Variants in EOLA2 observed in about 807,000 individuals in gnomAD.
EOLA2 encodes endothelium and lymphocyte associated ASCH domain 2.
EOLA2 carries 3 observed loss-of-function variants against 4.1 expected under a neutral mutation model. The observed-to-expected ratio is 0.73, with a 90% CI of 0.33 to 1.89. EOLA2 has a LOEUF of 1.89. Ranked by LOEUF, EOLA2 falls within the 40% of genes most tolerant of loss-of-function variation. The pLI is 0.08. For synonymous variants in EOLA2, 52 were observed against 51.7 expected (o/e 1.01, Z -0.03); for missense variants, 109 against 126.4 (o/e 0.86, Z 0.66).
At chrX:149,937,940 C>G (rs2091043040) in intron 1 of EOLA2, among the ~76,000 whole-genome samples, 1 of 112,769 alleles carries the variant, frequency 8.9e-6, no homozygotes, top group Non-Finnish European at 1.9e-5. Context: ...AGGGGCCAAG[C>G]GGGAGGCAGG....
Position 149,933,776 on chromosome X carries a change from G to T in EOLA2, c.99C>A (p.Ser33Arg). 2.5e-6 allele frequency: 3 copies of T among 1,203,313 alleles called. No homozygotes were observed. The highest frequency in any genetic ancestry group is 3.4e-6 in the Non-Finnish European group (3 of 891,053). Residue 33 changes from serine (S) to arginine (R), a missense_variant, in exon 4 of 5, where the codon AGC becomes AGA. Ser to Arg is a moderately radical substitution (Grantham distance 110). Coordinates refer to ENST00000370406, the MANE Select transcript of EOLA2 (RefSeq NM_001013845.2). ...GGACGGCGATGGTACAGTTCCGCTG[G>T]CTGCTCAGCAGAGGACGCCAGCGCG... ...VETRWRPLLS[S>R]QRNCTIAVHI...
In EOLA2 at chrX:149,932,327, C is replaced by T; in HGVS notation, c.*217G>A. 4 of 904,713 alleles carry T rather than the reference C, an allele frequency of 4.4e-6. No individual in the cohort carries two copies. Among genetic ancestry groups the T allele is most frequent in the Non-Finnish European group, 5.8e-6 (4 of 684,969 alleles). 74.6% of individuals were successfully genotyped at this position (904,713 alleles called of 1,213,427 possible). A position where few individuals can be genotyped will look rare whatever the true frequency, so the allele number is the denominator to read the frequency against. On this transcript the variant is annotated 3_prime_UTR_variant, in exon 5 of 5. Transcript: ENST00000370406. Reference sequence around the variant, plus strand: ...AGTACTTGAGACATTGCCTGTGTGCCTAAGGAGGCATCACACAAGGAAAGC... The same window carrying T: ...AGTACTTGAGACATTGCCTGTGTGCTTAAGGAGGCATCACACAAGGAAAGC...
At chrX:149,934,352 G>A (rs2090942374) in intron 2 of EOLA2, 9 of 524,373 alleles carry the variant, frequency 1.7e-5, no homozygotes, top group Non-Finnish European at 2.1e-5. Context: ...CAGTGCCCTG[G>A]CCCTGCCGCC....
intron 2 of EOLA2, 93 bp downstream of exon 2, chrX:149,937,340 C>CTG (rs1383595284): frequency 2.6e-5 from 7 of 267,436 alleles, no homozygotes; most frequent in East Asian, 2.3e-4. Flanking sequence ...ATCACAACAA[C>CTG]TGTGTGTGTG....
In EOLA2 at chrX:149,933,614, T is replaced by G; in HGVS notation, c.253+8A>C. ...CGTTGTCTGCGCATTTGGTACATTG[T>G]CACTTACCCGCTATCACTCCTCGAC... On this transcript the variant is annotated splice_region_variant and intron_variant, in intron 4 of 4. Coordinates refer to ENST00000370406, the MANE Select transcript of EOLA2 (RefSeq NM_001013845.2). 8.3e-7 allele frequency: 1 copy of G among 1,200,917 alleles called. No individual in the cohort carries two copies. The highest frequency in any genetic ancestry group is 1.1e-6 in the Non-Finnish European group (1 of 889,559).
intron 2 of EOLA2, chrX:149,934,555 G>A (rs782801454): frequency 7.0e-5 from 53 of 752,077 alleles, no homozygotes; most frequent in African/African-American, 3.7e-4. Flanking sequence ...GTCAGCAGAC[G>A]CCCCTGTCCC....
rs1224479250 is a variant in EOLA2 at position 149,937,453 on chromosome X, G to A, written c.-183C>T. On this transcript the variant is annotated 5_prime_UTR_variant, in exon 2 of 5. Coordinates refer to ENST00000370406, the MANE Select transcript of EOLA2 (RefSeq NM_001013845.2). The stretch of plus-strand genomic sequence containing the variant: ...AGTACCTGCTTTACGGCCAGAGGAG[G>A]AAACACTCTTCCACTTGGTTTCTTT... 5 of 721,069 alleles carry A rather than the reference G, an allele frequency of 6.9e-6. No individual in the cohort carries two copies. The highest frequency in any genetic ancestry group is 1.4e-4 in the South Asian group (2 of 14,065). The allele number at this position is 721,069 out of a possible 1,213,427, so 59.4% of individuals were successfully genotyped here. A position where few individuals can be genotyped will look rare whatever the true frequency, so the allele number is the denominator to read the frequency against.
intron 2 of EOLA2, chrX:149,934,531 C>G (rs1254571945): frequency 2.7e-6 from 2 of 752,984 alleles, no homozygotes; most frequent in Admixed American, 8.7e-5. Context: ...CTTCCCCCAC[C>G]ACTGCTCTCC....
downstream of EOLA2, chrX:149,929,872 CAACCTT>C: frequency 2.1e-6 from 2 of 947,569 alleles, no homozygotes; most frequent in Non-Finnish European, 1.3e-6. Context: ...AAGACAACCA[CAACCTT>C]TTTAGGCTCT....
chrX:149,938,206 C>T lies in EOLA2; in HGVS notation c.-224G>A, dbSNP rs1284389648. 1.8e-5 allele frequency: 2 copies of T among 113,295 alleles called. No individual in the cohort carries two copies. The highest frequency in any genetic ancestry group is 3.7e-5 in the Non-Finnish European group (2 of 53,378). The allele number at this position is 113,295 out of a possible 1,213,427, so 9.3% of individuals were successfully genotyped here. On this transcript the variant is annotated 5_prime_UTR_variant, in exon 1 of 5. Coordinates refer to ENST00000370406, the MANE Select transcript of EOLA2 (RefSeq NM_001013845.2). ...GGGCCCTGGTACCTTTCAGCCGCGG[C>T]CGGTCTCACGGCCTCTGGACCCTGA... is the stretch of plus-strand genomic sequence containing the variant.
downstream of EOLA2, chrX:149,931,256 T>C (rs1303376570): frequency 5.0e-5 from 21 of 422,345 alleles, no homozygotes; most frequent in Non-Finnish European, 7.0e-5. Flanking sequence ...CAAAATTCCA[T>C]GGAAATAAAT....
Position 149,933,922 on chromosome X carries a change from G to A in EOLA2, c.-29-19C>T, listed in dbSNP as rs781960033. On this transcript the variant is annotated intron_variant, in intron 3 of 4. Transcript: ENST00000370406. The stretch of plus-strand genomic sequence containing the variant: ...CCGTAGCCTGCGGAAGCACAGAAGC[G>A]CATCACACGCCAGCCCTTCAAGCTC... 5.9e-6 allele frequency: 7 copies of A among 1,182,377 alleles called. No homozygotes were observed. Among genetic ancestry groups the A allele is most frequent in the South Asian group, 1.9e-5 (1 of 53,452 alleles).
At chrX:149,930,270 G>A (rs1448796537), downstream of EOLA2, 3 of 1,005,591 alleles carry the variant, frequency 3.0e-6, no homozygotes, top group African/African-American at 5.9e-5. Context: ...ATTGAAAGAT[G>A]AAAAGTATAG....
In EOLA2 at chrX:149,934,121, G is replaced by A; in HGVS notation, c.-146C>T. The A allele has an allele frequency of 1.9e-6, 2 of 1,058,208 alleles. No homozygotes were observed. The highest frequency in any genetic ancestry group is 2.4e-6 in the Non-Finnish European group (2 of 824,848). The allele number at this position is 1,058,208 out of a possible 1,213,427, so 87.2% of individuals were successfully genotyped here. A position where few individuals can be genotyped will look rare whatever the true frequency, so the allele number is the denominator to read the frequency against. On this transcript the variant is annotated 5_prime_UTR_variant, in exon 3 of 5. Coordinates refer to ENST00000370406, the MANE Select transcript of EOLA2 (RefSeq NM_001013845.2). ...CCCATGGAGTCTTTGGGGCGGTCCG[G>A]AGTAGGGCGGGGACAGCTAGAGGAA...
chrX:149,934,262 T>G (rs2090940776), intron 2 of EOLA2, 125 bp from the exon 3 acceptor site: 1 of 686,203 alleles, frequency 1.5e-6, no homozygotes, highest in Admixed American at 6.4e-5. Flanking sequence ...GGGGCTGGTG[T>G]TAGCCCTCTT....
At position 149,933,717 on chromosome X, in the gene EOLA2, C is replaced by A; in HGVS notation, c.158G>T (p.Cys53Phe). 4 of 1,208,047 alleles carry A rather than the reference C, an allele frequency of 3.3e-6. No homozygotes were observed. The highest frequency in any genetic ancestry group is 3.0e-5 in the East Asian group (1 of 33,778). ...GAGTCTCTCCACCAGCAGCTCCCGA[C>A]AGGCATCGCCTTCCCAGTCCCTGTG... is the stretch of plus-strand genomic sequence containing the variant. ...IAHRDWEGDA[C>F]RELLVERLGM... Residue 53 changes from cysteine (C) to phenylalanine (F), a missense_variant, in exon 4 of 5, where the codon TGT becomes TTT. By Grantham distance (205) the Cys-to-Phe change is radical. Transcript: ENST00000370406.
chrX:149,931,628 C>T (rs2090873991), downstream of EOLA2, among the ~76,000 whole-genome samples: 1 of 90,166 alleles, frequency 1.1e-5, no homozygotes, highest in African/African-American at 4.0e-5. Context: ...GCATCCCTAG[C>T]CTAGCATCCA....
intron 2 of EOLA2, among the ~76,000 whole-genome samples, chrX:149,935,532 A>C (rs868990542): frequency 7.8e-4 from 6 of 7,684 alleles, no homozygotes; most frequent in Admixed American, 2.4e-3. Context: ...CCCCCCCACC[A>C]CCCACTCCAC....
rs1341325499 is a variant in EOLA2 at position 149,936,767 on chromosome X, CA to C, written c.-163+665del. On this transcript the variant is annotated intron_variant, in intron 2 of 4. Coordinates refer to ENST00000370406, the MANE Select transcript of EOLA2 (RefSeq NM_001013845.2). The stretch of plus-strand genomic sequence containing the variant: ...AGCCATCTTGGCAAACTGCTGTTCC[CA>C]ACACATCTGCACAGGCTAGGGCACG... Among the ~76,000 whole-genome samples, 8 of 109,276 alleles carry C rather than the reference CA, an allele frequency of 7.3e-5. No individual in the cohort carries two copies. The East Asian group carries it at 2.0e-3, about 28-fold the overall frequency. 94.9% of individuals were successfully genotyped at this position (109,276 alleles called of 115,157 possible).
Sources: gnomAD v4.1 joint callset for allele counts (sites outside exome capture counted in the v4.1 genomes callset) on GRCh38, gnomAD v4.1.1 for gene constraint, MANE v1.5 for transcripts, NCBI Gene and HGNC (gene_info 2026-07-23, HGNC 2026-07-21) for gene names.